The following LPAR1 variants were observed in gnomAD, a reference collection of about 807,000 sequenced individuals.
LPAR1 encodes the protein LPA receptor 1.
Under a neutral mutation model 23.8 loss-of-function variants are expected in LPAR1, and 5 were observed. The ratio of observed to expected loss-of-function variants is 0.21; its 90% CI spans 0.11 to 0.44. The LOEUF (loss-of-function observed/expected upper bound fraction) is 0.44, where lower values mean the gene tolerates loss of function less well. LPAR1 is among the 20% of genes least tolerant of loss of function. The pLI is 0.99. For missense variants in LPAR1, 311 were observed against 482.8 expected, an observed-to-expected ratio of 0.64 and a Z score of 3.33; for synonymous variants, 160 against 164.7, an observed-to-expected ratio of 0.97 and a Z score of 0.22.
chr9:111,035,057 T>C (rs1265657181), intron 2 of LPAR1, among the ~76,000 whole-genome samples: 2 of 152,238 alleles, frequency 1.3e-5, no homozygotes, highest in African/African-American at 4.8e-5. Flanking sequence ...ATATTCGGTA[T>C]GAACCGTGAG....
intron 2 of LPAR1, among the ~76,000 whole-genome samples, chr9:111,031,663 T>G: frequency 6.6e-6 from 1 of 152,200 alleles, no homozygotes; most frequent in East Asian, 1.9e-4. Context: ...GCAAACTATA[T>G]ACTGAGCAAA....
chr9:111,021,319 T>C (rs185875324), intron 2 of LPAR1, among the ~76,000 whole-genome samples: 1 of 152,280 alleles, frequency 6.6e-6, no homozygotes. Flanking sequence ...TCAATAAAGC[T>C]AGGAGGAAAA....
At chr9:110,889,135 G>A (rs1373093816) in intron 5 of LPAR1, among the ~76,000 whole-genome samples, 2 of 152,194 alleles carry the variant, frequency 1.3e-5, no homozygotes, top group African/African-American at 4.8e-5. Context: ...GCCGAGGCGG[G>A]CAGATCACGA....
chr9:111,007,989 C>A (rs941289644), intron 2 of LPAR1, among the ~76,000 whole-genome samples: 11 of 152,174 alleles, frequency 7.2e-5, no homozygotes, highest in Middle Eastern at 3.4e-3. Context: ...GCATGGCCAA[C>A]ATGGTGAAAC....
In LPAR1 at chr9:110,970,627, C is replaced by T. The variant is rs532961271; in HGVS notation, c.45+1446G>A. On this transcript the variant is annotated intron_variant, in intron 4 of 5. Transcript: ENST00000683809. ...ATCCCAAATGGTGTTGAGGAGAAAA[C>T]ACTATACTATATGAGGGAAAAATGC... Among the ~76,000 whole-genome samples the T allele has an allele frequency of 5.9e-5, 9 of 152,076 alleles. No homozygotes were observed. The South Asian group carries it at 1.9e-3, about 32-fold the overall frequency.
In LPAR1 at chr9:111,002,761, C is replaced by A. The variant is rs1219900608; in HGVS notation, c.-181-29203G>T. Among the ~76,000 whole-genome samples, 5 of 152,126 alleles carry A rather than the reference C, an allele frequency of 3.3e-5. No individual in the cohort carries two copies. In the East Asian group the frequency reaches 9.6e-4, roughly 29 times the overall value. ...ATGGAACAAAGCAATTAACAACTTT[C>A]AGTAAAAGAGGAATGCAAGAACTAT... On this transcript the variant is annotated intron_variant, in intron 2 of 5. Transcript: ENST00000683809.
chr9:110,975,742 G>T (rs2096540923), intron 2 of LPAR1, among the ~76,000 whole-genome samples: 1 of 152,118 alleles, frequency 6.6e-6, no homozygotes, highest in Non-Finnish European at 1.5e-5. Flanking sequence ...ACCCTCATTT[G>T]GATGTTTCAT....
intron 4 of LPAR1, among the ~76,000 whole-genome samples, chr9:110,957,436 T>C (rs2137060150): frequency 6.6e-6 from 1 of 151,926 alleles, no homozygotes; most frequent in Non-Finnish European, 1.5e-5. Context: ...TGGTTCAACA[T>C]ATGCAAATCA....
chr9:110,939,678 T>A (rs2094956941), intron 5 of LPAR1, among the ~76,000 whole-genome samples: 2 of 146,574 alleles, frequency 1.4e-5, no homozygotes, highest in South Asian at 4.5e-4. Flanking sequence ...AGTATGTGAA[T>A]CATTCAGTAC....
At chr9:110,877,239 G>A (rs2079353148) in intron 5 of LPAR1, among the ~76,000 whole-genome samples, 1 of 152,062 alleles carries the variant, frequency 6.6e-6, no homozygotes, top group African/African-American at 2.4e-5. Context: ...TTTTCAGCAG[G>A]GAAATGAAAA....
chr9:110,949,976 T>G (rs1159191073), intron 4 of LPAR1, among the ~76,000 whole-genome samples: 5 of 152,172 alleles, frequency 3.3e-5, no homozygotes, highest in Non-Finnish European at 5.9e-5. Context: ...ATGGAAAATG[T>G]GCTTGGCAAT....
intron 5 of LPAR1, among the ~76,000 whole-genome samples, chr9:110,940,076 T>C (rs995470559): frequency 2.0e-5 from 3 of 152,216 alleles, no homozygotes; most frequent in Non-Finnish European, 4.4e-5. Context: ...CTAATCTTCA[T>C]TGGATGCAAT....
chr9:110,991,215 G>T (rs1350613579), intron 2 of LPAR1, among the ~76,000 whole-genome samples: 1 of 152,268 alleles, frequency 6.6e-6, no homozygotes, highest in South Asian at 2.1e-4. Context: ...AGTAACAAAT[G>T]TAAGAAGACA....
At chr9:111,014,516 T>C (rs1395607784) in intron 2 of LPAR1, among the ~76,000 whole-genome samples, 1 of 152,104 alleles carries the variant, frequency 6.6e-6, no homozygotes, top group Admixed American at 6.6e-5. Flanking sequence ...ATCTCTTCTC[T>C]ACACTTAACA....
At chr9:110,877,628 A>G (rs2079465939) in intron 5 of LPAR1, among the ~76,000 whole-genome samples, 1 of 152,190 alleles carries the variant, frequency 6.6e-6, no homozygotes, top group African/African-American at 2.4e-5. Flanking sequence ...TGGAAAATGC[A>G]TGGTCCCATT....
At chr9:110,929,698 ATGTGTGTGTGTGTGTGTGTGTG>A (rs71371696) in intron 5 of LPAR1, among the ~76,000 whole-genome samples, 3 of 146,242 alleles carry the variant, frequency 2.1e-5, no homozygotes, top group East Asian at 2.1e-4. Flanking sequence ...CCAGCCAATA[ATGTGTGTGTGTGTGTGTGTGTG>A]TGTGTGTGTG....
chr9:110,973,310 G>A (rs116155559), intron 3 of LPAR1, among the ~76,000 whole-genome samples, 171 bp downstream of exon 3: 2,688 of 152,212 alleles, frequency 0.018, 78 homozygotes, highest in African/African-American at 0.061. Context: ...AAAAATTGAG[G>A]CTTAGAGAAG....
intron 2 of LPAR1, among the ~76,000 whole-genome samples, chr9:111,005,591 G>GGAGGGAAA (rs1287148213): frequency 1.4e-5 from 2 of 140,608 alleles, no homozygotes; most frequent in African/African-American, 5.6e-5. Context: ...GAATTGGGAA[G>GGAGGGAAA]GAGGAAGCAA....
rs2097890570 is a variant in LPAR1, at chr9:111,036,217, T to C, written c.-261-16A>G. ...GAGCTGTTCCCTTGAGAGACAATGA[T>C]GCAAATGAGTCAAGTGATGCCTAGT... On this transcript the variant is annotated splice_polypyrimidine_tract_variant and intron_variant, in intron 1 of 5. Transcript: ENST00000683809. 6.6e-6 allele frequency: 1 copy of C among 152,104 alleles called. No individual in the cohort carries two copies. Among genetic ancestry groups the C allele is most frequent in the South Asian group, 2.1e-4 (1 of 4,832 alleles). 9.4% of individuals were successfully genotyped at this position (152,104 alleles called of 1,614,324 possible). A position where few individuals can be genotyped will look rare whatever the true frequency, so the allele number is the denominator to read the frequency against.
Sources: allele counts gnomAD v4.1 joint callset (sites outside exome capture counted in the v4.1 genomes callset), GRCh38; gene constraint gnomAD v4.1.1; transcripts MANE v1.5; gene names NCBI Gene and HGNC (gene_info 2026-07-23, HGNC 2026-07-21).